The following BRD7 variants were observed in gnomAD, a reference collection of about 807,000 sequenced individuals.
The protein encoded by BRD7 is bromodomain containing 7.
BRD7 carries 15 observed loss-of-function variants against 82.1 expected under a neutral mutation model. That is an observed-to-expected ratio of 0.18 (90% CI 0.12 to 0.28). BRD7 has a LOEUF of 0.28. Among genes scored for constraint, BRD7 ranks in the 10% least tolerant of loss-of-function variants. The pLI, the probability that BRD7 is intolerant of heterozygous loss-of-function variation, is 1.00. For synonymous variants in BRD7, 232 were observed against 266.9 expected (o/e 0.87, Z 1.27); for missense variants, 638 against 779.9 (o/e 0.82, Z 2.17).
intron 16 of BRD7, 100 bp from the exon 17 acceptor site, chr16:50,319,366 G>C: frequency 8.9e-7 from 1 of 1,124,934 alleles, no homozygotes; most frequent in South Asian, 1.4e-5. Flanking sequence ...TAACTGCTGA[G>C]AGCCCTTCTT....
chr16:50,355,039 GCTCAATGTACTTTA>G, intron 2 of BRD7, 117 bp from the exon 3 acceptor site: 1 of 1,271,894 alleles, frequency 7.9e-7, no homozygotes, highest in South Asian at 1.5e-5. Flanking sequence ...TTAATAACAA[GCTCAATGTACTTTA>G]CTGCCATCTA....
intron 8 of BRD7, among the ~76,000 whole-genome samples, chr16:50,330,061 T>C (rs916544872): frequency 1.3e-5 from 2 of 152,192 alleles, no homozygotes; most frequent in African/African-American, 4.8e-5. Context: ...ACTCCTCTTT[T>C]TGGGAAGAAT....
rs575388719 is a variant in BRD7, at chr16:50,354,543, T to G, written c.389-61A>C. The G allele has an allele frequency of 1.4e-5, 19 of 1,369,348 alleles. No individual in the cohort carries two copies. In the South Asian group the frequency reaches 2.3e-4, roughly 16 times the overall value. 84.8% of individuals were successfully genotyped at this position (1,369,348 alleles called of 1,614,324 possible). On this transcript the variant is annotated intron_variant, in intron 3 of 16. Coordinates refer to ENST00000394688, the MANE Select transcript of BRD7 (RefSeq NM_013263.5). The stretch of plus-strand genomic sequence containing the variant: ...AAGGAGTATTCTAGAGAGTATTATT[T>G]ACTAGATCATTTTCTACAACCATTA...
rs1235857923 is a variant in BRD7, at chr16:50,368,384, G to A, written c.50-86C>T. 1.3e-5 allele frequency: 19 copies of A among 1,409,530 alleles called. No individual in the cohort carries two copies. The East Asian group carries it at 3.8e-4, about 28-fold the overall frequency. 87.3% of individuals were successfully genotyped at this position (1,409,530 alleles called of 1,614,324 possible). A position where few individuals can be genotyped will look rare whatever the true frequency, so the allele number is the denominator to read the frequency against. On this transcript the variant is annotated intron_variant, in intron 1 of 16. Coordinates refer to ENST00000394688, the MANE Select transcript of BRD7 (RefSeq NM_013263.5). ...AGTGCTAAGGATGCAGAGCGCCAAG[G>A]CGCAGCAAGCCCGAGGCGGCTTTGG... is the stretch of plus-strand genomic sequence containing the variant.
At chr16:50,345,438 T>C (rs2038240653) in intron 5 of BRD7, among the ~76,000 whole-genome samples, 1 of 152,022 alleles carries the variant, frequency 6.6e-6, no homozygotes, top group Non-Finnish European at 1.5e-5. Flanking sequence ...TAAATGTAAA[T>C]GGGCTAAATG....
chr16:50,365,825 A>C (rs2039121214), intron 2 of BRD7, among the ~76,000 whole-genome samples: 1 of 152,122 alleles, frequency 6.6e-6, no homozygotes, highest in Admixed American at 6.5e-5. Context: ...TTAGAGGATC[A>C]GTTCAGGAGT....
At position 50,358,340 on chromosome 16, in the gene BRD7, C is replaced by T. The variant is rs1044713987; in HGVS notation, c.259-3418G>A. On this transcript the variant is annotated intron_variant, in intron 2 of 16. Transcript: ENST00000394688. ...AGGAGTTCGAGGCCAGCCTAGGCAACATAGCGAAATCCAGGAGTTTTGGTG... is the reference window on the plus strand; with the variant it reads ...AGGAGTTCGAGGCCAGCCTAGGCAATATAGCGAAATCCAGGAGTTTTGGTG... Among the ~76,000 whole-genome samples, 4 of 630 alleles carry T rather than the reference C, an allele frequency of 6.3e-3. No homozygotes were observed. In the Admixed American group the frequency reaches 0.074, roughly 12 times the overall value. 0.4% of individuals were successfully genotyped at this position (630 alleles called of 152,430 possible). A position where few individuals can be genotyped will look rare whatever the true frequency, so the allele number is the denominator to read the frequency against.
In BRD7 at chr16:50,323,781, A is replaced by G; in HGVS notation, c.1332-83T>C. On this transcript the variant is annotated intron_variant, in intron 11 of 16. Transcript: ENST00000394688. ...CATCAGAGCCAACTGTTTCCACTAG[A>G]TGTCCTCGGTTATACATCATGACAT... is the stretch of plus-strand genomic sequence containing the variant. The G allele has an allele frequency of 5.2e-6, 5 of 961,000 alleles. No individual in the cohort carries two copies. The South Asian group carries it at 6.8e-5, about 13-fold the overall frequency. 59.5% of individuals were successfully genotyped at this position (961,000 alleles called of 1,614,324 possible).
At chr16:50,346,304 A>G (rs1187147260) in intron 5 of BRD7, among the ~76,000 whole-genome samples, 1 of 152,248 alleles carries the variant, frequency 6.6e-6, no homozygotes, top group Non-Finnish European at 1.5e-5. Context: ...CTAAATGCCC[A>G]CAAGAGAAGG....
rs2037214390 is a variant in BRD7, at chr16:50,323,659, A to G, written c.1371T>C (p.Tyr457=). ...EFLATCQDYP[Y]VMADSLLDVL... is the part of the protein sequence containing the mutation. ...CATCCAGTAAACTATCTGCCATGAC[A>G]TACGGATAATCTTGGCACGTGGCCA... is the stretch of plus-strand genomic sequence containing the variant. Residue 457 remains tyrosine (Y), a synonymous_variant, in exon 12 of 17, where the codon TAT becomes TAC. Transcript: ENST00000394688. The G allele has an allele frequency of 6.2e-7, 1 of 1,613,896 alleles. No individual in the cohort carries two copies. Among genetic ancestry groups the G allele is most frequent in the Non-Finnish European group, 8.5e-7 (1 of 1,179,784 alleles).
chr16:50,324,061 C>T (rs2037232735), intron 11 of BRD7, among the ~76,000 whole-genome samples: 1 of 152,088 alleles, frequency 6.6e-6, no homozygotes, highest in Non-Finnish European at 1.5e-5. Flanking sequence ...TGGACCACAC[C>T]CTTTGGTGCT....
chr16:50,367,727 C>T (rs1028750671), intron 2 of BRD7, among the ~76,000 whole-genome samples: 12 of 152,206 alleles, frequency 7.9e-5, no homozygotes, highest in African/African-American at 2.9e-4. Flanking sequence ...AAACTTTAAA[C>T]CCCAGTAGAT....
rs147380868 is a variant in BRD7, at chr16:50,354,045, C to A, written c.446+380G>T. 6.4e-3 allele frequency among the ~76,000 whole-genome samples: 972 copies of A among 152,178 alleles called. 14 individuals are homozygous for A. The highest frequency in any genetic ancestry group is 0.022 in the African/African-American group (912 of 41,532). On this transcript the variant is annotated intron_variant, in intron 4 of 16. Coordinates refer to ENST00000394688, the MANE Select transcript of BRD7 (RefSeq NM_013263.5). ...CTATTTATGGTGTTTTATTTTTTCT[C>A]CCATACTTAATAATTGCTAAACATT...
At chr16:50,367,999 G>A in intron 2 of BRD7, 91 bp downstream of exon 2, 1 of 1,265,342 alleles carries the variant, frequency 7.9e-7, no homozygotes. Flanking sequence ...AGAGGCGTTT[G>A]TTTTCCCCAG....
chr16:50,361,602 A>G (rs1403836398), intron 2 of BRD7, among the ~76,000 whole-genome samples: 1 of 152,150 alleles, frequency 6.6e-6, no homozygotes. Flanking sequence ...CTCTCCATTC[A>G]ATATTTGTTA....
At chr16:50,351,341 A>T (rs1355985327) in intron 4 of BRD7, among the ~76,000 whole-genome samples, 1 of 152,222 alleles carries the variant, frequency 6.6e-6, no homozygotes, top group Non-Finnish European at 1.5e-5. Flanking sequence ...TTTTCACAGC[A>T]GGATGCCTAA....
At chr16:50,334,304 G>A (rs544597081) in intron 7 of BRD7, among the ~76,000 whole-genome samples, 6 of 152,344 alleles carry the variant, frequency 3.9e-5, no homozygotes, top group African/African-American at 1.4e-4. Context: ...TGGGCACGCT[G>A]CAGTGACAGC....
Position 50,323,677 on chromosome 16 carries a change from C to T in BRD7, c.1353G>A (p.Thr451=), listed in dbSNP as rs377766155. The T allele has an allele frequency of 4.0e-5, 64 of 1,613,616 alleles. 1 individual carries two copies. Among genetic ancestry groups the T allele is most frequent in the South Asian group, 6.6e-5 (6 of 91,068 alleles). ...SDFSIHEFLA[T]CQDYPYVMAD... is the part of the protein sequence containing the mutation. Reference sequence around the variant, plus strand: ...CCATGACATACGGATAATCTTGGCACGTGGCCAAAAACTCATGGATGCTGC... The same window carrying T: ...CCATGACATACGGATAATCTTGGCATGTGGCCAAAAACTCATGGATGCTGC... Residue 451 remains threonine (T), a synonymous_variant, in exon 12 of 17, where the codon ACG becomes ACA. Coordinates refer to ENST00000394688, the MANE Select transcript of BRD7 (RefSeq NM_013263.5).
chr16:50,340,017 C>T lies in BRD7; in HGVS notation c.661G>A (p.Ala221Thr), dbSNP rs1372458922. ...NKPETIYYKA[A>T]KKLLHSGMKI... ...ATTCCTGAGTGCAACAGCTTCTTTG[C>T]AGCTTTATAATAAATGGTCTCTGGT... is the stretch of plus-strand genomic sequence containing the variant. Residue 221 changes from alanine (A) to threonine (T), a missense_variant, in exon 6 of 17, where the codon GCA becomes ACA. Physicochemically the swap from Ala to Thr is moderately conservative, Grantham distance 58. Transcript: ENST00000394688. The T allele has an allele frequency of 5.0e-6, 8 of 1,600,322 alleles. No homozygotes were observed. Among genetic ancestry groups the T allele is most frequent in the Non-Finnish European group, 6.8e-6 (8 of 1,174,118 alleles).
Sources: allele counts gnomAD v4.1 joint callset (sites outside exome capture counted in the v4.1 genomes callset), GRCh38; gene constraint gnomAD v4.1.1; transcripts MANE v1.5; gene names NCBI Gene and HGNC (gene_info 2026-07-23, HGNC 2026-07-21).